Variants in CDH6 observed in about 807,000 individuals in gnomAD.
The protein encoded by CDH6 is cadherin 6.
In CDH6, 31 loss-of-function variants were observed where a neutral mutation model predicts 78.0. That is an observed-to-expected ratio of 0.40 (90% CI 0.30 to 0.54). CDH6 has a LOEUF of 0.54. Among genes scored for constraint, CDH6 ranks in the 20% least tolerant of loss-of-function variants. CDH6 has a pLI of 0.56. For missense variants in CDH6, 724 were observed against 975.9 expected (o/e 0.74, Z 3.44); for synonymous variants, 376 against 368.8 (o/e 1.02, Z -0.23).
intron 1 of CDH6, among the ~76,000 whole-genome samples, chr5:31,200,158 A>C (rs1304510440): frequency 6.6e-6 from 1 of 152,190 alleles, no homozygotes; most frequent in Admixed American, 6.5e-5. Flanking sequence ...CATGTGTCAG[A>C]ATTTATAATT....
chr5:31,302,943 G>GAA (rs1253439823), intron 6 of CDH6, among the ~76,000 whole-genome samples: 1 of 130,230 alleles, frequency 7.7e-6, no homozygotes, highest in South Asian at 2.6e-4. Flanking sequence ...AAGAAAGAAA[G>GAA]AAAGAAAGAA....
At chr5:31,275,554 A>G (rs971657683) in intron 2 of CDH6, among the ~76,000 whole-genome samples, 3 of 152,202 alleles carry the variant, frequency 2.0e-5, no homozygotes, top group African/African-American at 7.2e-5. Context: ...TTATGGCTGC[A>G]TAGTATTCCA....
intron 2 of CDH6, among the ~76,000 whole-genome samples, chr5:31,287,237 G>A (rs1330450199): frequency 6.6e-6 from 1 of 152,110 alleles, no homozygotes. Context: ...CAGGCCTACA[G>A]GATACCAGCA....
At chr5:31,209,634 TG>T (rs1184048932) in intron 1 of CDH6, among the ~76,000 whole-genome samples, 1 of 152,194 alleles carries the variant, frequency 6.6e-6, no homozygotes, top group Non-Finnish European at 1.5e-5. Context: ...GCTGGTATAT[TG>T]GGACACTTTG....
At chr5:31,202,665 A>C (rs1740388705) in intron 1 of CDH6, among the ~76,000 whole-genome samples, 2 of 53,772 alleles carry the variant, frequency 3.7e-5, no homozygotes, top group Non-Finnish European at 9.8e-5. Flanking sequence ...ACACACACAT[A>C]TATATATATG....
intron 1 of CDH6, among the ~76,000 whole-genome samples, chr5:31,199,347 GTGTATATATATGA>G (rs1004836134): frequency 7.4e-5 from 11 of 148,690 alleles, no homozygotes; most frequent in African/African-American, 1.2e-4. Context: ...TATACATATG[GTGTATATATATGA>G]TGTATATATA....
intron 2 of CDH6, among the ~76,000 whole-genome samples, chr5:31,270,448 A>G (rs7736710): frequency 0.63 from 95,540 of 152,036 alleles, 30,221 homozygotes; most frequent in East Asian, 0.77. Context: ...TCTTGAGCAC[A>G]GCACAATTTC....
intron 2 of CDH6, among the ~76,000 whole-genome samples, chr5:31,287,792 A>G (rs989971196): frequency 6.6e-6 from 1 of 152,188 alleles, no homozygotes; most frequent in African/African-American, 2.4e-5. Context: ...TGGGGCCAGA[A>G]ATTTGCATTT....
chr5:31,320,317 A>C (rs751053988), intron 11 of CDH6, among the ~76,000 whole-genome samples: 1 of 152,268 alleles, frequency 6.6e-6, no homozygotes, highest in Non-Finnish European at 1.5e-5. Flanking sequence ...AATGCCTTTG[A>C]TTTTTTGAAA....
At position 31,328,175 on chromosome 5, in the gene CDH6, CT is replaced by C. The variant is rs151043213; in HGVS notation, c.*4888del. The C allele has an allele frequency of 0.061, 7,384 of 121,850 alleles. 51 individuals are homozygous for C. The highest frequency in any genetic ancestry group is 0.096 in the East Asian group (729 of 7,600). The allele number at this position is 121,850 out of a possible 1,614,324, so 7.5% of individuals were successfully genotyped here. ...AGAGCTTTTACAAGTTGCTTAATTC[CT>C]TTTTTTTTTTTTTTTTTTTTCAAAA... On this transcript the variant is annotated 3_prime_UTR_variant, in exon 12 of 12. Coordinates refer to ENST00000265071, the MANE Select transcript of CDH6 (RefSeq NM_004932.4).
intron 8 of CDH6, 110 bp from the exon 9 acceptor site, chr5:31,316,098 C>T: frequency 1.7e-6 from 2 of 1,183,066 alleles, no homozygotes; most frequent in East Asian, 2.5e-5. Context: ...AGTACAGCAG[C>T]TTGGGGAATC....
intron 1 of CDH6, among the ~76,000 whole-genome samples, chr5:31,235,045 A>G (rs1455883965): frequency 1.3e-5 from 2 of 152,130 alleles, no homozygotes; most frequent in Non-Finnish European, 2.9e-5. Flanking sequence ...CAATTAATAG[A>G]TGGTTCAACC....
chr5:31,228,660 G>A (rs999498449), intron 1 of CDH6, among the ~76,000 whole-genome samples: 5 of 152,298 alleles, frequency 3.3e-5, no homozygotes, highest in Non-Finnish European at 4.4e-5. Flanking sequence ...ATCATCATGC[G>A]TTAGCTACAT....
chr5:31,234,805 C>CATGT (rs1741407789), intron 1 of CDH6, among the ~76,000 whole-genome samples: 1 of 152,128 alleles, frequency 6.6e-6, no homozygotes, highest in Non-Finnish European at 1.5e-5. Context: ...GACACATATG[C>CATGT]ATACATATAT....
chr5:31,323,023 C>G lies in CDH6; in HGVS notation c.2088C>G (p.Ala696=), dbSNP rs907156068. 3.1e-6 allele frequency: 5 copies of G among 1,614,116 alleles called. No individual in the cohort carries two copies. The highest frequency in any genetic ancestry group is 4.2e-6 in the Non-Finnish European group (5 of 1,180,030). The part of the protein sequence containing the change: ...NKLRRDIVPE[A]LFLPRRTPTA... Reference sequence around the variant, plus strand: ...TACGAAGGGACATTGTGCCCGAAGCCCTTTTCCTACCCCGACGGACTCCAA... The same window carrying G: ...TACGAAGGGACATTGTGCCCGAAGCGCTTTTCCTACCCCGACGGACTCCAA... Residue 696 remains alanine (A), a synonymous_variant, in exon 12 of 12, where the codon GCC becomes GCG. Coordinates refer to ENST00000265071, the MANE Select transcript of CDH6 (RefSeq NM_004932.4).
intron 1 of CDH6, among the ~76,000 whole-genome samples, chr5:31,224,935 T>G (rs1741107572): frequency 1.3e-5 from 2 of 152,228 alleles, no homozygotes; most frequent in Non-Finnish European, 2.9e-5. Flanking sequence ...ACTCATAATT[T>G]TAAAGCAATG....
chr5:31,254,355 G>A (rs1169721133), intron 1 of CDH6, among the ~76,000 whole-genome samples: 1 of 152,172 alleles, frequency 6.6e-6, no homozygotes, highest in African/African-American at 2.4e-5. Flanking sequence ...AAAAAAAATT[G>A]TATGCCGAGG....
rs1738320731 is a variant in CDH6, at chr5:31,316,234, C to G, written c.1417C>G (p.Pro473Ala). The G allele has an allele frequency of 6.2e-7, 1 of 1,612,110 alleles. No homozygotes were observed. Among genetic ancestry groups the G allele is most frequent in the African/African-American group, 1.3e-5 (1 of 74,784 alleles). The change falls in exon 9 of 12, where the codon CCT becomes GCT. Residue 473 changes from proline to alanine, a missense_variant. Physicochemically the swap from Pro to Ala is conservative, Grantham distance 27. Transcript: ENST00000265071. Reference sequence around the variant, plus strand: ...TAATCCAAAGCAAAGTAGTCGAGTACCTCTATATATTAAAGTTCTAGATGT... The same window carrying G: ...TAATCCAAAGCAAAGTAGTCGAGTAGCTCTATATATTAAAGTTCTAGATGT... ...INNPKQSSRV[P>A]LYIKVLDVND... is the part of the protein sequence containing the mutation.
chr5:31,248,872 T>C (rs1221421679), intron 1 of CDH6, among the ~76,000 whole-genome samples: 1 of 152,172 alleles, frequency 6.6e-6, no homozygotes, highest in African/African-American at 2.4e-5. Flanking sequence ...ATGTCATAGT[T>C]TGCAAATTTC....
Sources: allele counts gnomAD v4.1 joint callset (sites outside exome capture counted in the v4.1 genomes callset), GRCh38; gene constraint gnomAD v4.1.1; transcripts MANE v1.5; gene names NCBI Gene and HGNC (gene_info 2026-07-23, HGNC 2026-07-21).